UBLCP1: variants seen among roughly 807,000 people sequenced by gnomAD.
UBLCP1 encodes ubiquitin-like domain-containing CTD phosphatase 1.
In UBLCP1, 28 loss-of-function variants were observed where a neutral mutation model predicts 42.4. The observed-to-expected ratio is 0.66, with a 90% CI of 0.49 to 0.90. The LOEUF is 0.90. UBLCP1 is among the 40% of genes least tolerant of loss of function. The probability of loss-of-function intolerance (pLI) is 0.00; values close to 1 mark genes in which losing one functional copy is unlikely to be tolerated. For missense variants in UBLCP1, 279 were observed against 374.5 expected (o/e 0.75, Z 2.10); for synonymous variants, 122 against 120.8 (o/e 1.01, Z -0.07).
chr5:159,275,274 T>G, intron 8 of UBLCP1, 28 bp downstream of exon 8: 1 of 1,559,282 alleles, frequency 6.4e-7, no homozygotes, highest in Non-Finnish European at 8.8e-7. Flanking sequence ...TTCTATTTAA[T>G]GACACCATGG....
At chr5:159,282,898 T>C (rs755553965) in intron 9 of UBLCP1, among the ~76,000 whole-genome samples, 7 of 152,052 alleles carry the variant, frequency 4.6e-5, no homozygotes, top group Non-Finnish European at 1.0e-4. Context: ...TAGAAGCAAC[T>C]AGAATGATAG....
chr5:159,283,168 C>T, intron 9 of UBLCP1, 44 bp from the exon 10 acceptor site: 1 of 1,561,712 alleles, frequency 6.4e-7, no homozygotes, highest in Non-Finnish European at 8.6e-7. Flanking sequence ...GTTAGTTTTC[C>T]TTATCACATT....
rs143930026 is a variant in UBLCP1, at chr5:159,275,246, C to T, written c.684C>T (p.Asp228=). The part of the protein sequence containing the change: ...TVHTPRRGLI[D]VKPLGVIWGK... ...ATACTCCAAGGAGAGGATTAATAGACGTAAGAAGTCATTTTATTTCTATTT... is the reference window on the plus strand; with the variant it reads ...ATACTCCAAGGAGAGGATTAATAGATGTAAGAAGTCATTTTATTTCTATTT... The change falls in exon 8 of 11, where the codon GAC becomes GAT. Residue 228 remains aspartate (D), a splice_region_variant and synonymous_variant. Coordinates refer to ENST00000296786, the MANE Select transcript of UBLCP1 (RefSeq NM_145049.5). The T allele has an allele frequency of 4.8e-4, 775 of 1,606,418 alleles. No individual in the cohort carries two copies. Among genetic ancestry groups the T allele is most frequent in the Non-Finnish European group, 5.8e-4 (682 of 1,175,260 alleles).
In UBLCP1 at chr5:159,270,258, C is replaced by T. The variant is rs895706779; in HGVS notation, c.247-102C>T. The T allele has an allele frequency of 7.9e-6, 8 of 1,011,138 alleles. No individual in the cohort carries two copies. In the Admixed American group the frequency reaches 1.7e-4, roughly 21 times the overall value. The allele number at this position is 1,011,138 out of a possible 1,614,324, so 62.6% of individuals were successfully genotyped here. On this transcript the variant is annotated intron_variant, in intron 3 of 10. Transcript: ENST00000296786. ...AATTTTCCAGTATGGGCTTAAAAGACTCTGGAACTCAAATTGTATCTCTCA... is the reference window on the plus strand; with the variant it reads ...AATTTTCCAGTATGGGCTTAAAAGATTCTGGAACTCAAATTGTATCTCTCA...
Position 159,270,407 on chromosome 5 carries a change from C to T in UBLCP1, c.294C>T (p.Asp98=), listed in dbSNP as rs756318948. ...CTGACAATGATGATGTTGTTAATGA[C>T]TTTGATATTGAAGATGAAGTAGTTG... ...PPPDNDDVVN[D]FDIEDEVVEV... The change falls in exon 4 of 11, where the codon GAC becomes GAT. Residue 98 remains aspartate, a synonymous_variant. Transcript: ENST00000296786. 2 of 1,613,424 alleles carry T rather than the reference C, an allele frequency of 1.2e-6. No individual in the cohort carries two copies.
chr5:159,269,476 C>A (rs1753437580), intron 2 of UBLCP1, among the ~76,000 whole-genome samples: 1 of 152,132 alleles, frequency 6.6e-6, no homozygotes, highest in Admixed American at 6.5e-5. Flanking sequence ...AAATTACAGG[C>A]AGCATTCATA....
chr5:159,283,761 G>A (rs1365462269), intron 10 of UBLCP1, among the ~76,000 whole-genome samples: 2 of 151,994 alleles, frequency 1.3e-5, no homozygotes, highest in South Asian at 2.1e-4. Flanking sequence ...AGTAACTTGA[G>A]TGTAGCAGAG....
At chr5:159,275,045 G>T in intron 7 of UBLCP1, 103 bp from the exon 8 acceptor site, 1 of 911,394 alleles carries the variant, frequency 1.1e-6, no homozygotes, top group Non-Finnish European at 1.8e-6. Flanking sequence ...GTGGCCAGTG[G>T]TGTAGAAAGT....
rs1014261374 is a variant in UBLCP1 at position 159,263,379 on chromosome 5, C to T, written c.-47+19C>T. On this transcript the variant is annotated intron_variant, in intron 1 of 10. Transcript: ENST00000296786. ...GCTCCAGGTGAGGGGTTGCGGGGCA[C>T]CCTGGCGCGCTGCCCTTGGAGACGC... The T allele has an allele frequency of 2.0e-5, 3 of 152,290 alleles. No homozygotes were observed. The highest frequency in any genetic ancestry group is 4.4e-5 in the Non-Finnish European group (3 of 68,058). 9.4% of individuals were successfully genotyped at this position (152,290 alleles called of 1,614,324 possible). A position where few individuals can be genotyped will look rare whatever the true frequency, so the allele number is the denominator to read the frequency against.
Position 159,285,219 on chromosome 5 carries a change from CACACACACACACACACACACACACAAA to C in UBLCP1, c.*289_*315del. ...CACCACACACACACACACACACACA[CACACACACACACACACACACACACAAA>C]GTGGAGAAAAATGTATACTCAACAA... is the stretch of plus-strand genomic sequence containing the variant. On this transcript the variant is annotated 3_prime_UTR_variant, in exon 11 of 11. Coordinates refer to ENST00000296786, the MANE Select transcript of UBLCP1 (RefSeq NM_145049.5). The C allele has an allele frequency of 4.0e-6, 1 of 251,332 alleles. No homozygotes were observed. The highest frequency in any genetic ancestry group is 7.4e-6 in the Non-Finnish European group (1 of 134,474). The allele number at this position is 251,332 out of a possible 1,614,324, so 15.6% of individuals were successfully genotyped here. A position where few individuals can be genotyped will look rare whatever the true frequency, so the allele number is the denominator to read the frequency against.
At chr5:159,279,737 G>C (rs900733335) in intron 9 of UBLCP1, among the ~76,000 whole-genome samples, 1 of 152,132 alleles carries the variant, frequency 6.6e-6, no homozygotes, top group Non-Finnish European at 1.5e-5. Flanking sequence ...TTGGAGAGAA[G>C]TGCTTTTCTT....
intron 8 of UBLCP1, among the ~76,000 whole-genome samples, chr5:159,275,511 C>T (rs957708366): frequency 2.7e-5 from 4 of 148,856 alleles, no homozygotes; most frequent in East Asian, 2.0e-4. Flanking sequence ...CCCAGGTTCA[C>T]GCCATTCTCC....
intron 9 of UBLCP1, among the ~76,000 whole-genome samples, chr5:159,280,396 T>G (rs1753593835): frequency 6.6e-6 from 1 of 152,150 alleles, no homozygotes; most frequent in Non-Finnish European, 1.5e-5. Context: ...TCGACTTCCC[T>G]TGCTCCAGTG....
chr5:159,267,634 C>G (rs1753415279), intron 1 of UBLCP1, among the ~76,000 whole-genome samples: 1 of 152,104 alleles, frequency 6.6e-6, no homozygotes, highest in African/African-American at 2.4e-5. Flanking sequence ...ACCAAAATCT[C>G]AACTTGAATG....
intron 1 of UBLCP1, among the ~76,000 whole-genome samples, chr5:159,265,782 C>T (rs1437170189): frequency 6.6e-6 from 1 of 152,206 alleles, no homozygotes; most frequent in Non-Finnish European, 1.5e-5. Flanking sequence ...ATTCTGAGGC[C>T]TCCCTAGCCA....
chr5:159,274,743 A>G, intron 7 of UBLCP1, 121 bp downstream of exon 7: 1 of 806,728 alleles, frequency 1.2e-6, no homozygotes, highest in Admixed American at 2.6e-5. Flanking sequence ...GATAAATGCC[A>G]TTATTGGGAG....
rs143574306 is a variant in UBLCP1, at chr5:159,270,597, G to A, written c.402G>A (p.Arg134=). ...AAGTGGAAATTTTGAATCCTCCCAGGGAAGGGAAAAAGCTTTTGGTGCTAG... is the reference window on the plus strand; with the variant it reads ...AAGTGGAAATTTTGAATCCTCCCAGAGAAGGGAAAAAGCTTTTGGTGCTAG... ...EYKVEILNPP[R]EGKKLLVLDV... is the part of the protein sequence containing the mutation. The change falls in exon 5 of 11, where the codon AGG becomes AGA. Residue 134 remains arginine (R), a synonymous_variant. Coordinates refer to ENST00000296786, the MANE Select transcript of UBLCP1 (RefSeq NM_145049.5). The A allele has an allele frequency of 1.9e-6, 3 of 1,609,326 alleles. No homozygotes were observed. The highest frequency in any genetic ancestry group is 1.3e-5 in the African/African-American group (1 of 74,642).
At chr5:159,264,191 A>C (rs1376974372) in intron 1 of UBLCP1, among the ~76,000 whole-genome samples, 1 of 152,228 alleles carries the variant, frequency 6.6e-6, no homozygotes, top group Non-Finnish European at 1.5e-5. Flanking sequence ...ACAGTATGTT[A>C]GGTAGAACTC....
At chr5:159,279,965 G>T (rs1753588646) in intron 9 of UBLCP1, among the ~76,000 whole-genome samples, 1 of 151,978 alleles carries the variant, frequency 6.6e-6, no homozygotes, top group South Asian at 2.1e-4. Context: ...AAGAAACTTT[G>T]TTTTCCTAAC....
Sources: allele counts gnomAD v4.1 joint callset (sites outside exome capture counted in the v4.1 genomes callset), GRCh38; gene constraint gnomAD v4.1.1; transcripts MANE v1.5; gene names NCBI Gene and HGNC (gene_info 2026-07-23, HGNC 2026-07-21).